The following WWOX variants were observed in gnomAD, a reference collection of about 807,000 sequenced individuals.
The protein encoded by WWOX is WW domain-containing oxidoreductase.
WWOX carries 69 observed loss-of-function variants against 46.2 expected under a neutral mutation model. That is an observed-to-expected ratio of 1.49 (90% confidence interval 1.23 to 1.82). The LOEUF (loss-of-function observed/expected upper bound fraction) is 1.82. WWOX is among the 40% of genes most tolerant of loss of function. WWOX has a pLI of 0.00. For missense variants in WWOX, 919 were observed against 542.6 expected, an observed-to-expected ratio of 1.69 and a Z score of -6.89; for synonymous variants, 359 against 202.6, an observed-to-expected ratio of 1.77 and a Z score of -6.56.
chr16:78,231,778 C>A (rs762132047), intron 5 of WWOX, among the ~76,000 whole-genome samples: 1 of 152,122 alleles, frequency 6.6e-6, no homozygotes, highest in Non-Finnish European at 1.5e-5. Context: ...AGGGTAGGAA[C>A]GGGTCCCATC....
chr16:78,625,857 T>A (rs2151650811), intron 8 of WWOX, among the ~76,000 whole-genome samples: 1 of 149,424 alleles, frequency 6.7e-6, no homozygotes, highest in East Asian at 2.0e-4. Flanking sequence ...TTACTTAAAA[T>A]TGCATTACTT....
chr16:79,168,364 C>G (rs1404521584), intron 8 of WWOX, among the ~76,000 whole-genome samples: 1 of 152,156 alleles, frequency 6.6e-6, no homozygotes, highest in African/African-American at 2.4e-5. Context: ...TTTAATACTT[C>G]TGGATGTGTT....
intron 8 of WWOX, among the ~76,000 whole-genome samples, chr16:78,663,358 C>A (rs1050841818): frequency 2.6e-5 from 4 of 152,180 alleles, no homozygotes; most frequent in Non-Finnish European, 5.9e-5. Flanking sequence ...ACTAATACTT[C>A]ATCCCCTTGT....
At chr16:78,505,369 T>A (rs1000967361) in intron 8 of WWOX, among the ~76,000 whole-genome samples, 13 of 152,192 alleles carry the variant, frequency 8.5e-5, no homozygotes, top group Non-Finnish European at 1.3e-4. Context: ...TAGAATAAAG[T>A]TCGGGTCCAC....
intron 8 of WWOX, among the ~76,000 whole-genome samples, chr16:78,816,596 C>T (rs575858614): frequency 8.8e-6 from 1 of 113,112 alleles, no homozygotes; most frequent in Non-Finnish European, 1.7e-5. Context: ...AAATTTTCAT[C>T]TTTTGGGTAC....
At chr16:78,664,353 C>T (rs1192584804) in intron 8 of WWOX, among the ~76,000 whole-genome samples, 5 of 152,110 alleles carry the variant, frequency 3.3e-5, no homozygotes, top group East Asian at 3.9e-4. Flanking sequence ...ATGTGTGCTG[C>T]GTGAGTGATG....
chr16:78,964,487 A>T (rs1040095442), intron 8 of WWOX, among the ~76,000 whole-genome samples: 4 of 152,236 alleles, frequency 2.6e-5, no homozygotes, highest in African/African-American at 9.6e-5. Flanking sequence ...TATCTGGCCG[A>T]AGAAATTTCT....
chr16:78,890,202 C>A (rs1471411707), intron 8 of WWOX: 1 of 152,128 alleles, frequency 6.6e-6, no homozygotes, highest in Non-Finnish European at 1.5e-5. Context: ...GTAAATGAGG[C>A]ACATCTATTC....
intron 5 of WWOX, among the ~76,000 whole-genome samples, chr16:78,213,512 C>T (rs1479532263): frequency 6.6e-6 from 1 of 151,634 alleles, no homozygotes; most frequent in Non-Finnish European, 1.5e-5. Context: ...GAGCAGCGCT[C>T]ACAACTGCCA....
chr16:78,817,614 A>T lies in WWOX; in HGVS notation c.1056+384862A>T, dbSNP rs753996978. On this transcript the variant is annotated intron_variant, in intron 8 of 8. Coordinates refer to ENST00000566780, the MANE Select transcript of WWOX (RefSeq NM_016373.4). ...TGGAGCCAGCACTAATTATGTCAAC[A>T]AGTAGTTCAAGTTTAGCCCCTGTTA... is the stretch of plus-strand genomic sequence containing the variant. Among the ~76,000 whole-genome samples, 12 of 152,166 alleles carry T rather than the reference A, an allele frequency of 7.9e-5. 1 individual carries two copies. The highest frequency in any genetic ancestry group is 6.5e-5 in the Admixed American group (1 of 15,288).
intron 8 of WWOX, among the ~76,000 whole-genome samples, chr16:78,437,251 C>G (rs752046297): frequency 6.6e-6 from 1 of 152,202 alleles, no homozygotes; most frequent in African/African-American, 2.4e-5. Flanking sequence ...CTTGCTGTGA[C>G]TACGGTGATT....
chr16:78,528,091 T>C (rs1315674876), intron 8 of WWOX, among the ~76,000 whole-genome samples: 1 of 141,472 alleles, frequency 7.1e-6, no homozygotes, highest in Admixed American at 7.5e-5. Context: ...TTCTGCCTCC[T>C]GGGTTCGTGC....
intron 8 of WWOX, among the ~76,000 whole-genome samples, chr16:78,728,589 C>A (rs921231772): frequency 6.6e-6 from 1 of 152,138 alleles, no homozygotes; most frequent in African/African-American, 2.4e-5. Context: ...CAAGTGACAC[C>A]TTAGCATTCT....
At chr16:78,256,412 C>T (rs2038133759) in intron 5 of WWOX, among the ~76,000 whole-genome samples, 1 of 151,960 alleles carries the variant, frequency 6.6e-6, no homozygotes, top group African/African-American at 2.4e-5. Flanking sequence ...CTCTTGAGAA[C>T]TTGACTCTTA....
chr16:78,831,266 A>G lies in WWOX; in HGVS notation c.1057-380342A>G, dbSNP rs559885316. On this transcript the variant is annotated intron_variant, in intron 8 of 8. Transcript: ENST00000566780. Reference sequence around the variant, plus strand: ...CCCCTTTATAAGCTGTGTCTTAGCTAGTGCTTTCAGCAAAGAATATCTTTA... The same window carrying G: ...CCCCTTTATAAGCTGTGTCTTAGCTGGTGCTTTCAGCAAAGAATATCTTTA... 8.5e-5 allele frequency among the ~76,000 whole-genome samples: 13 copies of G among 152,262 alleles called. No homozygotes were observed. The East Asian group carries it at 2.3e-3, about 27-fold the overall frequency.
chr16:78,413,625 A>G (rs2082731625), intron 6 of WWOX, among the ~76,000 whole-genome samples: 1 of 151,966 alleles, frequency 6.6e-6, no homozygotes, highest in African/African-American at 2.4e-5. Context: ...GTGGATCTTC[A>G]GTTGCTTCAG....
chr16:78,775,557 C>T (rs1030495329), intron 8 of WWOX, among the ~76,000 whole-genome samples: 1 of 152,110 alleles, frequency 6.6e-6, no homozygotes, highest in Non-Finnish European at 1.5e-5. Flanking sequence ...AACTGCTCAT[C>T]CCGTCTACAA....
intron 8 of WWOX, among the ~76,000 whole-genome samples, chr16:78,788,796 A>C (rs181721092): frequency 6.6e-6 from 1 of 152,118 alleles, no homozygotes; most frequent in Non-Finnish European, 1.5e-5. Flanking sequence ...CTGACTTGCT[A>C]TTGGTGTCTG....
At chr16:78,242,644 G>A (rs139233811) in intron 5 of WWOX, among the ~76,000 whole-genome samples, 446 of 152,264 alleles carry the variant, frequency 2.9e-3, no homozygotes, top group African/African-American at 0.01. Flanking sequence ...CTGCTCTCCC[G>A]AGCCTTCTCT....
Sources: allele counts gnomAD v4.1 joint callset (sites outside exome capture counted in the v4.1 genomes callset), GRCh38; gene constraint gnomAD v4.1.1; transcripts MANE v1.5; gene names NCBI Gene and HGNC (gene_info 2026-07-23, HGNC 2026-07-21).